ZNF562: variants seen among roughly 807,000 people sequenced by gnomAD.
ZNF562 encodes the protein zinc finger protein 562.
A neutral mutation model predicts 17.5 loss-of-function variants in ZNF562; 13 were observed. The observed-to-expected ratio is 0.74, with a 90% CI of 0.48 to 1.18. The LOEUF (loss-of-function observed/expected upper bound fraction) is 1.18. ZNF562 is among the 50% of genes most tolerant of loss of function. ZNF562 has a pLI of 0.00. For synonymous variants in ZNF562, 163 were observed against 165.4 expected, an observed-to-expected ratio of 0.99 and a Z score of 0.11; for missense variants, 481 against 498.5, an observed-to-expected ratio of 0.96 and a Z score of 0.33.
At chr19:9,655,460 ACTT>A (rs2043433243) in intron 5 of ZNF562, among the ~76,000 whole-genome samples, 2 of 151,986 alleles carry the variant, frequency 1.3e-5, no homozygotes, top group Admixed American at 6.6e-5. Context: ...GGTGCAGGCT[ACTT>A]CTCTCTCAAG....
At chr19:9,663,283 C>T (rs1034264220) in intron 1 of ZNF562, among the ~76,000 whole-genome samples, 2 of 148,968 alleles carry the variant, frequency 1.3e-5, no homozygotes, top group African/African-American at 2.5e-5. Context: ...TGGTGGCAGG[C>T]GCCTGTAGTC....
rs114064884 is a variant in ZNF562 at position 9,652,907 on chromosome 19, T to A, written c.*42A>T. 774 of 1,461,044 alleles carry A rather than the reference T, an allele frequency of 5.3e-4. 2 individuals carry two copies. In the African/African-American group the frequency reaches 9.9e-3, roughly 19 times the overall value. 90.5% of individuals were successfully genotyped at this position (1,461,044 alleles called of 1,614,324 possible). On this transcript the variant is annotated 3_prime_UTR_variant, in exon 6 of 6. Transcript: ENST00000453372. ...TTTCTCTCTGGTAGGAGTTCACAGGTGGGGTGAGGAATACAGAAATTCTTT... is the reference window on the plus strand; with the variant it reads ...TTTCTCTCTGGTAGGAGTTCACAGGAGGGGTGAGGAATACAGAAATTCTTT...
At position 9,652,786 on chromosome 19, in the gene ZNF562, A is replaced by G; in HGVS notation, c.*163T>C. The stretch of plus-strand genomic sequence containing the variant: ...AAATGGTAACAACACTCATATCCTT[A>G]CATTCATAGTATTTCTCCCCAGTGT... On this transcript the variant is annotated 3_prime_UTR_variant, in exon 6 of 6. Coordinates refer to ENST00000453372, the MANE Select transcript of ZNF562 (RefSeq NM_001130031.2). 1.6e-6 allele frequency: 1 copy of G among 606,212 alleles called. No individual in the cohort carries two copies. Among genetic ancestry groups the G allele is most frequent in the Non-Finnish European group, 2.7e-6 (1 of 371,634 alleles). The allele number at this position is 606,212 out of a possible 1,614,324, so 37.6% of individuals were successfully genotyped here.
rs990364213 is a variant in ZNF562 at position 9,642,639 on chromosome 19, T to C, written c.*10310A>G. 48 of 151,916 alleles carry C rather than the reference T, an allele frequency of 3.2e-4. No homozygotes were observed. Among genetic ancestry groups the C allele is most frequent in the African/African-American group, 1.1e-3 (47 of 41,324 alleles). 9.4% of individuals were successfully genotyped at this position (151,916 alleles called of 1,614,324 possible). A position where few individuals can be genotyped will look rare whatever the true frequency, so the allele number is the denominator to read the frequency against. ...ACAAAGATAGAGGGAAAACCCAAAA[T>C]GGAATACGAACAGGAACAATCAATC... is the stretch of plus-strand genomic sequence containing the variant. On this transcript the variant is annotated 3_prime_UTR_variant, in exon 6 of 6. Coordinates refer to ENST00000453372, the MANE Select transcript of ZNF562 (RefSeq NM_001130031.2).
In ZNF562 at chr19:9,664,991, G is replaced by A. The variant is rs558825232; in HGVS notation, c.-130-4117C>T. Among the ~76,000 whole-genome samples, 26 of 152,312 alleles carry A rather than the reference G, an allele frequency of 1.7e-4. 1 individual carries two copies. The highest frequency in any genetic ancestry group is 6.3e-4 in the African/African-American group (26 of 41,572). On this transcript the variant is annotated intron_variant, in intron 1 of 5. Coordinates refer to ENST00000453372, the MANE Select transcript of ZNF562 (RefSeq NM_001130031.2). ...AATGCCAGCACTTTGGGAGGCCAAGGCAGGTGGCTCACCTGAGGTCAGGAG... is the reference window on the plus strand; with the variant it reads ...AATGCCAGCACTTTGGGAGGCCAAGACAGGTGGCTCACCTGAGGTCAGGAG...
chr19:9,656,871 A>AAAAAATATATATATATAT (rs376933513), intron 4 of ZNF562, among the ~76,000 whole-genome samples: 58 of 142,440 alleles, frequency 4.1e-4, no homozygotes, highest in African/African-American at 1.5e-3. Flanking sequence ...AAAATACAAA[A>AAAAAATATATATATATAT]ATATATATAT....
At chr19:9,663,482 A>C (rs928710478) in intron 1 of ZNF562, among the ~76,000 whole-genome samples, 2 of 151,758 alleles carry the variant, frequency 1.3e-5, no homozygotes, top group Non-Finnish European at 2.9e-5. Flanking sequence ...AGACTGCATA[A>C]ATTTTCCTTC....
chr19:9,653,235 G>T lies in ZNF562; in HGVS notation c.995C>A (p.Thr332Asn). 6.2e-7 allele frequency: 1 copy of T among 1,614,190 alleles called. No individual in the cohort carries two copies. ...TCCAGTGTGAGTTCTTACATGTTGA[G>T]TAAGGTGAGTTGATCTAGTGAAGGC... ...GKAFTRSTHLTQHVRTHTGIK... is the reference protein window; with the variant it reads ...GKAFTRSTHLNQHVRTHTGIK... Residue 332 changes from threonine to asparagine, a missense_variant, in exon 6 of 6, where the codon ACT becomes AAT. Around this residue, in one of 2 missense-constraint regions of ZNF562, gnomAD observed 403 missense variants for 386.4 expected, o/e 1.04. Transcript: ENST00000453372.
intron 1 of ZNF562, 73 bp from the exon 2 acceptor site, chr19:9,660,947 G>A: frequency 2.2e-6 from 1 of 464,330 alleles, no homozygotes; most frequent in Non-Finnish European, 3.8e-6. Flanking sequence ...CTTTCTCTCT[G>A]CAGGTGACAG....
chr19:9,673,848 A>C (rs2044297750), intron 1 of ZNF562, among the ~76,000 whole-genome samples: 1 of 152,128 alleles, frequency 6.6e-6, no homozygotes, highest in Non-Finnish European at 1.5e-5. Flanking sequence ...TCTACCAAAA[A>C]TATAAAAAAT....
Position 9,649,313 on chromosome 19 carries a change from T to C in ZNF562, c.*3636A>G, listed in dbSNP as rs948583507. ...TTAACTGCACAAATTATACAGCATG[T>C]GTGTTTGAGCAATATGAAATCTGGG... On this transcript the variant is annotated 3_prime_UTR_variant, in exon 6 of 6. Transcript: ENST00000453372. 10 of 152,160 alleles carry C rather than the reference T, an allele frequency of 6.6e-5. No individual in the cohort carries two copies. The highest frequency in any genetic ancestry group is 2.4e-4 in the African/African-American group (10 of 41,442). 9.4% of individuals were successfully genotyped at this position (152,160 alleles called of 1,614,324 possible). A position where few individuals can be genotyped will look rare whatever the true frequency, so the allele number is the denominator to read the frequency against.
At position 9,653,350 on chromosome 19, in the gene ZNF562, C is replaced by T; in HGVS notation, c.880G>A (p.Gly294Arg). The change falls in exon 6 of 6, where the codon GGA (glycine) becomes AGA (arginine). Residue 294 changes from glycine (G) to arginine (R), a missense_variant. By Grantham distance (125) the Gly-to-Arg change is moderately radical. Coordinates refer to ENST00000453372, the MANE Select transcript of ZNF562 (RefSeq NM_001130031.2). ...GATGAGGAATTTCTAAAGGATCTTCCACATTCTTTACATTCAAAGGACTTC... is the reference window on the plus strand; with the variant it reads ...GATGAGGAATTTCTAAAGGATCTTCTACATTCTTTACATTCAAAGGACTTC... ...GEKSFECKEC[G>R]RSFRNSSSFN... The T allele has an allele frequency of 6.2e-7, 1 of 1,613,926 alleles. No individual in the cohort carries two copies. Among genetic ancestry groups the T allele is most frequent in the Admixed American group, 1.7e-5 (1 of 59,984 alleles).
chr19:9,669,725 C>T lies in ZNF562; in HGVS notation c.-131+5290G>A, dbSNP rs572434372. ...CTGCATGCACGCGCGCGAGCGCGCG[C>T]GCGCGCGCGCACACACACACACACA... On this transcript the variant is annotated intron_variant, in intron 1 of 5. Coordinates refer to ENST00000453372, the MANE Select transcript of ZNF562 (RefSeq NM_001130031.2). 3.7e-3 allele frequency among the ~76,000 whole-genome samples: 304 copies of T among 83,032 alleles called. 1 individual carries two copies. Among genetic ancestry groups the T allele is most frequent in the Non-Finnish European group, 3.5e-3 (140 of 40,202 alleles). The allele number at this position is 83,032 out of a possible 152,430, so 54.5% of individuals were successfully genotyped here. A position where few individuals can be genotyped will look rare whatever the true frequency, so the allele number is the denominator to read the frequency against.
intron 1 of ZNF562, among the ~76,000 whole-genome samples, chr19:9,668,515 A>G (rs528341487): frequency 6.6e-6 from 1 of 152,256 alleles, no homozygotes; most frequent in Non-Finnish European, 1.5e-5. Context: ...GATTAGAAGA[A>G]TATTGTTAAA....
rs1599277390 is a variant in ZNF562, at chr19:9,656,489, A to C, written c.348+58T>G. 6 of 1,586,646 alleles carry C rather than the reference A, an allele frequency of 3.8e-6. No individual in the cohort carries two copies. The Admixed American group carries it at 1.0e-4, about 27-fold the overall frequency. ...GTGCCACTGCACTTCAGCCTGGCAG[A>C]GCAAGACTCCGTCTCAAAAAACAGA... On this transcript the variant is annotated intron_variant, in intron 5 of 5. Transcript: ENST00000453372.
At chr19:9,667,383 A>G (rs190170633) in intron 1 of ZNF562, among the ~76,000 whole-genome samples, 6 of 152,350 alleles carry the variant, frequency 3.9e-5, no homozygotes, top group Admixed American at 3.9e-4. Flanking sequence ...AATAAAGGCC[A>G]TATATGACAC....
At chr19:9,663,202 G>A (rs993886499) in intron 1 of ZNF562, among the ~76,000 whole-genome samples, 2 of 148,516 alleles carry the variant, frequency 1.3e-5, no homozygotes, top group East Asian at 2.0e-4. Context: ...TCAGGAGATC[G>A]AGACCATCCG....
intron 1 of ZNF562, among the ~76,000 whole-genome samples, chr19:9,669,724 GCGCGCGCGCGCACA>G (rs1227295769): frequency 2.9e-4 from 23 of 77,980 alleles, no homozygotes; most frequent in Admixed American, 8.7e-4. Context: ...GCGAGCGCGC[GCGCGCGCGCGCACA>G]CACACACACA....
At chr19:9,654,454 TG>T (rs1470897113) in intron 5 of ZNF562, among the ~76,000 whole-genome samples, 3 of 152,042 alleles carry the variant, frequency 2.0e-5, no homozygotes, top group Admixed American at 1.3e-4. Flanking sequence ...TCCAATTTTT[TG>T]ATTTATTTAT....
Sources: allele counts gnomAD v4.1 joint callset (sites outside exome capture counted in the v4.1 genomes callset), GRCh38; gene constraint gnomAD v4.1.1; regional missense constraint gnomAD v4.1.1; transcripts MANE v1.5; gene names NCBI Gene and HGNC (gene_info 2026-07-23, HGNC 2026-07-21).